ATXN8OS: variants seen among roughly 807,000 people sequenced by gnomAD.
The protein encoded by ATXN8OS is ATXN8 opposite strand lncRNA, also known as ATXN8 opposite strand (non-protein coding).
intron 2 of ATXN8OS, among the ~76,000 whole-genome samples, chr13:70,128,633 A>T (rs1888479938): frequency 6.6e-6 from 1 of 152,154 alleles, no homozygotes; most frequent in Admixed American, 6.6e-5. Context: ...AAAAATGCTA[A>T]CACATATGCA....
intron 4 of ATXN8OS, among the ~76,000 whole-genome samples, chr13:70,163,627 C>A (rs1889036763): frequency 6.6e-6 from 1 of 151,868 alleles, no homozygotes; most frequent in African/African-American, 2.4e-5. Context: ...TAAATCAAAG[C>A]AAATGGAGTT....
chr13:70,170,033 T>C (rs1448019557), exon 5 of ATXN8OS, among the ~76,000 whole-genome samples: 2 of 152,132 alleles, frequency 1.3e-5, no homozygotes, highest in Non-Finnish European at 2.9e-5. Context: ...GCTAAAACTG[T>C]GGTTGTGAAC....
chr13:70,113,128 G>GC (rs1888221774), intron 1 of ATXN8OS, among the ~76,000 whole-genome samples: 1 of 151,384 alleles, frequency 6.6e-6, no homozygotes, highest in Non-Finnish European at 1.5e-5. Context: ...CACCATATTG[G>GC]CCAGGTTGGT....
At chr13:70,136,351 C>T (rs115324608) in intron 3 of ATXN8OS, among the ~76,000 whole-genome samples, 2,455 of 152,190 alleles carry the variant, frequency 0.016, 42 homozygotes, top group African/African-American at 0.041. Flanking sequence ...CAAGAACAGT[C>T]TTCCAAGATC....
At chr13:70,145,257 T>C (rs942457932) in intron 3 of ATXN8OS, among the ~76,000 whole-genome samples, 1 of 152,156 alleles carries the variant, frequency 6.6e-6, no homozygotes, top group Non-Finnish European at 1.5e-5. Context: ...ACTGTAGCCT[T>C]GTAGTATAGT....
chr13:70,159,093 T>G (rs1456967810), intron 4 of ATXN8OS, among the ~76,000 whole-genome samples: 1 of 152,154 alleles, frequency 6.6e-6, no homozygotes, highest in African/African-American at 2.4e-5. Flanking sequence ...TCCTCATTAC[T>G]AGATAATACT....
chr13:70,149,826 G>T (rs537202141), intron 4 of ATXN8OS, among the ~76,000 whole-genome samples: 1 of 152,232 alleles, frequency 6.6e-6, no homozygotes, highest in East Asian at 1.9e-4. Context: ...GGGTATTAGT[G>T]AGGGTTGAAG....
In ATXN8OS at chr13:70,114,806, G is replaced by A. The variant is rs538254335; in HGVS notation, n.241-335G>A. 2.0e-5 allele frequency among the ~76,000 whole-genome samples: 3 copies of A among 152,164 alleles called. No individual in the cohort carries two copies. In the East Asian group the frequency reaches 5.8e-4, roughly 29 times the overall value. On this transcript the variant is annotated intron_variant and non_coding_transcript_variant, in intron 1 of 4. Transcript: ENST00000678624. The stretch of plus-strand genomic sequence containing the variant: ...TAAAACAGGCTTAATATGAAAAGAA[G>A]TAGAATCAACTGGCCACTAATATTT...
chr13:70,166,037 TAAATAGA>T (rs1419763338), intron 4 of ATXN8OS, among the ~76,000 whole-genome samples: 1 of 152,046 alleles, frequency 6.6e-6, no homozygotes, highest in Non-Finnish European at 1.5e-5. Flanking sequence ...TGTCTTTGCA[TAAATAGA>T]AAATGAGTGA....
At chr13:70,119,232 C>T (rs781762614) in intron 2 of ATXN8OS, among the ~76,000 whole-genome samples, 3 of 152,214 alleles carry the variant, frequency 2.0e-5, no homozygotes, top group Non-Finnish European at 2.9e-5. Flanking sequence ...CTCAAACTTA[C>T]AAAAATGAGG....
intron 4 of ATXN8OS, among the ~76,000 whole-genome samples, chr13:70,153,014 CTGTGTG>C (rs66574752): frequency 0.011 from 1,501 of 141,772 alleles, 19 homozygotes; most frequent in East Asian, 0.044. Context: ...TAAGAAAAAA[CTGTGTG>C]TGTGTGTGTG....
intron 4 of ATXN8OS, among the ~76,000 whole-genome samples, chr13:70,166,308 C>A (rs939105827): frequency 6.6e-5 from 10 of 151,840 alleles, no homozygotes; most frequent in African/African-American, 2.4e-4. Flanking sequence ...GTACTGGTAC[C>A]AAAACAGAGA....
intron 4 of ATXN8OS, among the ~76,000 whole-genome samples, chr13:70,160,034 G>C (rs544224552): frequency 6.6e-6 from 1 of 152,102 alleles, no homozygotes; most frequent in Admixed American, 6.6e-5. Flanking sequence ...TATTTATCTA[G>C]GGTGGATACC....
intron 4 of ATXN8OS, among the ~76,000 whole-genome samples, chr13:70,150,679 T>C (rs892596140): frequency 1.3e-5 from 2 of 152,076 alleles, no homozygotes; most frequent in African/African-American, 4.8e-5. Context: ...CACATCTTTC[T>C]AAAGTAATTA....
At chr13:70,118,199 GAAT>G (rs1396190022) in intron 2 of ATXN8OS, among the ~76,000 whole-genome samples, 8 of 151,962 alleles carry the variant, frequency 5.3e-5, no homozygotes, top group Non-Finnish European at 1.0e-4. Flanking sequence ...TGAGTTGGGA[GAAT>G]AATGAGAAGT....
intron 4 of ATXN8OS, among the ~76,000 whole-genome samples, chr13:70,151,191 C>T (rs1888860889): frequency 6.6e-6 from 1 of 152,048 alleles, no homozygotes; most frequent in Middle Eastern, 3.2e-3. Context: ...TTTTTCAGTG[C>T]ACAATACAGT....
At chr13:70,117,215 C>T (rs1438280631) in intron 2 of ATXN8OS, among the ~76,000 whole-genome samples, 1 of 152,022 alleles carries the variant, frequency 6.6e-6, no homozygotes, top group African/African-American at 2.4e-5. Flanking sequence ...CTGTCTCTCT[C>T]CTTCTCTCTC....
chr13:70,147,664 A>G (rs1040065089), intron 4 of ATXN8OS, among the ~76,000 whole-genome samples: 1 of 152,184 alleles, frequency 6.6e-6, no homozygotes, highest in African/African-American at 2.4e-5. Context: ...ATCAGAATGT[A>G]TTATATAACA....
chr13:70,115,335 G>A (rs1353065083), intron 2 of ATXN8OS: 6 of 397,696 alleles, frequency 1.5e-5, no homozygotes, highest in Non-Finnish European at 2.7e-5. Flanking sequence ...TCCATTCACA[G>A]GGAGGGAGTC....
Sources: allele counts gnomAD v4.1 joint callset (sites outside exome capture counted in the v4.1 genomes callset), GRCh38; gene constraint gnomAD v4.1.1; transcripts MANE v1.5; gene names NCBI Gene and HGNC (gene_info 2026-07-23, HGNC 2026-07-21).